Variants in SLC7A1 observed in about 807,000 individuals in gnomAD.
SLC7A1 encodes the protein solute carrier family 7 member 1, also known as high affinity cationic amino acid transporter 1.
A neutral mutation model predicts 53.9 loss-of-function variants in SLC7A1; 10 were observed. That is an observed-to-expected ratio of 0.19 (90% CI 0.11 to 0.31). The LOEUF is 0.31. Among genes scored for constraint, SLC7A1 ranks in the 10% least tolerant of loss-of-function variants. The pLI, the probability that SLC7A1 is intolerant of heterozygous loss-of-function variation, is 1.00. For missense variants in SLC7A1, 525 were observed against 827.2 expected (o/e 0.63, Z 4.48); for synonymous variants, 342 against 338.7 (o/e 1.01, Z -0.11).
At chr13:29,525,057 C>T (rs1462497662) in intron 5 of SLC7A1, among the ~76,000 whole-genome samples, 1 of 152,226 alleles carries the variant, frequency 6.6e-6, no homozygotes, top group Admixed American at 6.5e-5. Flanking sequence ...TGTACAAAGC[C>T]CTGGCCTGTC....
intron 1 of SLC7A1, among the ~76,000 whole-genome samples, chr13:29,587,630 A>G (rs1871937929): frequency 6.6e-6 from 1 of 152,190 alleles, no homozygotes; most frequent in Non-Finnish European, 1.5e-5. Flanking sequence ...TATAGACCAG[A>G]CAAGAGTGGG....
At chr13:29,560,302 T>A (rs1870696412) in intron 1 of SLC7A1, among the ~76,000 whole-genome samples, 1 of 152,092 alleles carries the variant, frequency 6.6e-6, no homozygotes, top group South Asian at 2.1e-4. Flanking sequence ...AGCTGTGATC[T>A]CCTGTGATAA....
At chr13:29,556,109 G>C (rs1421807968) in intron 1 of SLC7A1, among the ~76,000 whole-genome samples, 1 of 152,128 alleles carries the variant, frequency 6.6e-6, no homozygotes, top group African/African-American at 2.4e-5. Context: ...GTACATCCCT[G>C]TGAAGCCATA....
chr13:29,511,096 T>C lies in SLC7A1; in HGVS notation c.*3384A>G, dbSNP rs1428884434. ...CTGGTATCATCAGCGTTTCCACCCA[T>C]CTGAACAAAGGTGAGCGGGCCATGC... On this transcript the variant is annotated 3_prime_UTR_variant, in exon 13 of 13. Coordinates refer to ENST00000380752, the MANE Select transcript of SLC7A1 (RefSeq NM_003045.5). 1 of 152,304 alleles carries C rather than the reference T, an allele frequency of 6.6e-6. No individual in the cohort carries two copies. The highest frequency in any genetic ancestry group is 1.5e-5 in the Non-Finnish European group (1 of 68,104). 9.4% of individuals were successfully genotyped at this position (152,304 alleles called of 1,614,324 possible). A position where few individuals can be genotyped will look rare whatever the true frequency, so the allele number is the denominator to read the frequency against.
intron 1 of SLC7A1, among the ~76,000 whole-genome samples, chr13:29,574,638 T>C (rs1381489418): frequency 6.8e-6 from 1 of 147,214 alleles, no homozygotes; most frequent in Non-Finnish European, 1.5e-5. Context: ...CTGGAGCAGC[T>C]AATGCTTTTT....
chr13:29,534,777 T>A (rs2183717), intron 3 of SLC7A1, among the ~76,000 whole-genome samples: 127,333 of 151,782 alleles, frequency 0.84, 54,795 homozygotes, highest in Non-Finnish European at 0.94. Context: ...GGTCTTACTG[T>A]TTTTTCGCTA....
At chr13:29,553,575 G>A (rs1197450786) in intron 2 of SLC7A1, among the ~76,000 whole-genome samples, 186 bp downstream of exon 2, 1 of 152,182 alleles carries the variant, frequency 6.6e-6, no homozygotes, top group Non-Finnish European at 1.5e-5. Context: ...AATGGGTCTG[G>A]ACAGGTAGCC....
At position 29,511,680 on chromosome 13, in the gene SLC7A1, G is replaced by T. The variant is rs1160235081; in HGVS notation, c.*2800C>A. 6.6e-6 allele frequency: 1 copy of T among 152,218 alleles called. No individual in the cohort carries two copies. The highest frequency in any genetic ancestry group is 2.4e-5 in the African/African-American group (1 of 41,436). 9.4% of individuals were successfully genotyped at this position (152,218 alleles called of 1,614,324 possible). Reference sequence around the variant, plus strand: ...TCAGCAGAGGTCCTGAGGCAGGGGGGTGGAGATCTGCTGGGTTTGCTGCTT... The same window carrying T: ...TCAGCAGAGGTCCTGAGGCAGGGGGTTGGAGATCTGCTGGGTTTGCTGCTT... On this transcript the variant is annotated 3_prime_UTR_variant, in exon 13 of 13. Coordinates refer to ENST00000380752, the MANE Select transcript of SLC7A1 (RefSeq NM_003045.5).
chr13:29,514,976 G>C (rs2026322), intron 12 of SLC7A1, among the ~76,000 whole-genome samples: 20 of 152,134 alleles, frequency 1.3e-4, no homozygotes, highest in Non-Finnish European at 1.0e-4. Context: ...AGGTCTCCAG[G>C]CTCTCAGCCT....
At chr13:29,565,756 G>A (rs537475041) in intron 1 of SLC7A1, among the ~76,000 whole-genome samples, 9 of 152,230 alleles carry the variant, frequency 5.9e-5, no homozygotes, top group Admixed American at 3.9e-4. Context: ...AAACATGCCC[G>A]GTGGGCTCCC....
chr13:29,531,502 G>C (rs1869160333), intron 4 of SLC7A1, among the ~76,000 whole-genome samples: 1 of 152,144 alleles, frequency 6.6e-6, no homozygotes, highest in Non-Finnish European at 1.5e-5. Flanking sequence ...ACACAGCCAG[G>C]ATTTGAGACC....
At chr13:29,526,384 A>T (rs1868893335) in intron 5 of SLC7A1, among the ~76,000 whole-genome samples, 1 of 152,066 alleles carries the variant, frequency 6.6e-6, no homozygotes, top group South Asian at 2.1e-4. Flanking sequence ...AGGCAAGAGG[A>T]TTGCTCGAGC....
intron 1 of SLC7A1, among the ~76,000 whole-genome samples, chr13:29,594,296 A>G (rs1021535976): frequency 1.3e-5 from 2 of 152,266 alleles, no homozygotes; most frequent in African/African-American, 2.4e-5. Context: ...TACACCTGGG[A>G]TTGAAATCTC....
chr13:29,564,928 C>CTG (rs1433633839), intron 1 of SLC7A1, among the ~76,000 whole-genome samples: 1 of 152,218 alleles, frequency 6.6e-6, no homozygotes, highest in East Asian at 1.9e-4. Flanking sequence ...ACATTCTGTT[C>CTG]TTCAACTGCA....
intron 1 of SLC7A1, among the ~76,000 whole-genome samples, chr13:29,567,243 C>G (rs998902096): frequency 1.3e-5 from 2 of 152,028 alleles, no homozygotes; most frequent in African/African-American, 4.8e-5. Flanking sequence ...TTAAATAATG[C>G]CATACACGTG....
At chr13:29,586,714 T>C (rs548115713) in intron 1 of SLC7A1, 3 of 151,980 alleles carry the variant, frequency 2.0e-5, no homozygotes, top group South Asian at 4.2e-4. Context: ...AAAAGGAAAA[T>C]ACAATCTTAC....
In SLC7A1 at chr13:29,523,621, C is replaced by T. The variant is rs1868739700; in HGVS notation, c.827-133G>A. 2.1e-5 allele frequency: 14 copies of T among 669,740 alleles called. 1 individual carries two copies. Among genetic ancestry groups the T allele is most frequent in the South Asian group, 1.5e-4 (8 of 54,910 alleles). 41.5% of individuals were successfully genotyped at this position (669,740 alleles called of 1,614,324 possible). A position where few individuals can be genotyped will look rare whatever the true frequency, so the allele number is the denominator to read the frequency against. Reference sequence around the variant, plus strand: ...AGAAACCTCCCTCCAGCACTCAGCCCTGTGGGCACTGGGGCCTCCTGTGCT... The same window carrying T: ...AGAAACCTCCCTCCAGCACTCAGCCTTGTGGGCACTGGGGCCTCCTGTGCT... On this transcript the variant is annotated intron_variant, in intron 6 of 12. Coordinates refer to ENST00000380752, the MANE Select transcript of SLC7A1 (RefSeq NM_003045.5).
At chr13:29,528,529 G>A (rs1158206131) in intron 5 of SLC7A1, among the ~76,000 whole-genome samples, 1 of 152,168 alleles carries the variant, frequency 6.6e-6, no homozygotes, top group African/African-American at 2.4e-5. Context: ...CATGTTATAT[G>A]GATTGGTTGG....
chr13:29,556,231 A>T (rs1566267579), intron 1 of SLC7A1, among the ~76,000 whole-genome samples: 2 of 152,184 alleles, frequency 1.3e-5, no homozygotes, highest in African/African-American at 2.4e-5. Context: ...GCAAATATGT[A>T]AAACAATGCC....
Sources: allele counts gnomAD v4.1 joint callset (sites outside exome capture counted in the v4.1 genomes callset), GRCh38; gene constraint gnomAD v4.1.1; transcripts MANE v1.5; gene names NCBI Gene and HGNC (gene_info 2026-07-23, HGNC 2026-07-21).